The following UTP4 variants were observed in gnomAD, a reference collection of about 807,000 sequenced individuals.
The protein encoded by UTP4 is U3 small nucleolar RNA-associated protein 4 homolog.
Under a neutral mutation model 82.4 loss-of-function variants are expected in UTP4, and 45 were observed. The observed-to-expected ratio is 0.55, with a 90% CI of 0.43 to 0.70. UTP4 has a LOEUF of 0.70. Ranked by LOEUF, UTP4 falls within the 30% of genes least tolerant of loss-of-function variation. UTP4 has a pLI of 0.00. For missense variants in UTP4, 819 were observed against 858.3 expected, an observed-to-expected ratio of 0.95 and a Z score of 0.57; for synonymous variants, 348 against 300.3, an observed-to-expected ratio of 1.16 and a Z score of -1.64.
At chr16:69,139,794 CACTT>C in intron 4 of UTP4, 27 bp from the exon 5 acceptor site, 1 of 1,453,764 alleles carries the variant, frequency 6.9e-7, no homozygotes, top group Non-Finnish European at 9.7e-7. Flanking sequence ...ATGTGTATGT[CACTT>C]TCTTTTTTTG....
rs575519904 is a variant in UTP4 at position 69,155,408 on chromosome 16, C to T, written c.1165-463C>T. ...CTTGAACTCCTGGGCTCAAGCAATC[C>T]TCCACCTCAGCCTCCCAAAGTGCTG... is the stretch of plus-strand genomic sequence containing the variant. On this transcript the variant is annotated intron_variant, in intron 10 of 16. Coordinates refer to ENST00000314423, the MANE Select transcript of UTP4 (RefSeq NM_032830.3). Among the ~76,000 whole-genome samples the T allele has an allele frequency of 1.7e-4, 26 of 151,950 alleles. No homozygotes were observed. The South Asian group carries it at 5.0e-3, about 29-fold the overall frequency.
chr16:69,139,008 G>A (rs541811122), intron 4 of UTP4: 10 of 126,882 alleles, frequency 7.9e-5, no homozygotes, highest in Non-Finnish European at 1.4e-4. Context: ...TTGCTTTGTC[G>A]CCCAGGCTGA....
At chr16:69,136,585 C>A in intron 2 of UTP4, 111 bp from the exon 3 acceptor site, 1 of 1,001,938 alleles carries the variant, frequency 1.0e-6, no homozygotes, top group Middle Eastern at 3.0e-4. Context: ...AGCACAAAAC[C>A]CCACACTAGT....
chr16:69,163,391 C>T (rs1038700810), intron 14 of UTP4, among the ~76,000 whole-genome samples: 1 of 152,024 alleles, frequency 6.6e-6, no homozygotes, highest in Non-Finnish European at 1.5e-5. Flanking sequence ...AATGGAGAAG[C>T]ACTAAGATTC....
At chr16:69,149,257 G>C (rs1963198288) in intron 6 of UTP4, among the ~76,000 whole-genome samples, 1 of 152,268 alleles carries the variant, frequency 6.6e-6, no homozygotes, top group Admixed American at 6.5e-5. Flanking sequence ...GCGCACGCCT[G>C]TAATCCCAGC....
chr16:69,164,100 G>A (rs200519989), intron 14 of UTP4, among the ~76,000 whole-genome samples: 1 of 151,954 alleles, frequency 6.6e-6, no homozygotes, highest in Admixed American at 6.6e-5. Flanking sequence ...TAGCCAGGAT[G>A]GTCTCGATCT....
Position 69,153,605 on chromosome 16 carries a change from A to G in UTP4, c.1024A>G (p.Lys342Glu). The G allele has an allele frequency of 6.2e-7, 1 of 1,613,184 alleles. No individual in the cohort carries two copies. Among genetic ancestry groups the G allele is most frequent in the Non-Finnish European group, 8.5e-7 (1 of 1,179,520 alleles). Reference sequence around the variant, plus strand: ...ATAGCGATGTCTCATCTCCTGTTCTAAAAAGAGGCAGCTTCTCCTCTTCCA... The same window carrying G: ...ATAGCGATGTCTCATCTCCTGTTCTGAAAAGAGGCAGCTTCTCCTCTTCCA... The part of the protein sequence containing the change: ...FPHRCLISCS[K>E]KRQLLLFQFA... The change falls in exon 9 of 17, where the codon AAA becomes GAA. Residue 342 changes from lysine (K) to glutamate (E), a missense_variant. By Grantham distance (56) the Lys-to-Glu change is moderately conservative. Coordinates refer to ENST00000314423, the MANE Select transcript of UTP4 (RefSeq NM_032830.3).
intron 12 of UTP4, 80 bp from the exon 13 acceptor site, chr16:69,160,276 G>C (rs1427032082): frequency 3.8e-6 from 4 of 1,043,994 alleles, no homozygotes; most frequent in Non-Finnish European, 6.1e-6. Context: ...TGGTCTCCTT[G>C]GCTTTTGCCA....
At chr16:69,147,610 A>G (rs901763528) in intron 6 of UTP4, among the ~76,000 whole-genome samples, 11 of 152,172 alleles carry the variant, frequency 7.2e-5, no homozygotes, top group African/African-American at 2.7e-4. Flanking sequence ...GAAGTGTTTC[A>G]GATTTTGGAT....
Position 69,150,666 on chromosome 16 carries a change from G to A in UTP4, c.868G>A (p.Val290Met). 2 of 1,614,222 alleles carry A rather than the reference G, an allele frequency of 1.2e-6. No homozygotes were observed. The highest frequency in any genetic ancestry group is 1.7e-6 in the Non-Finnish European group (2 of 1,180,042). Residue 290 changes from valine (V) to methionine (M), a missense_variant, in exon 7 of 17, where the codon GTG (valine) becomes ATG (methionine). Transcript: ENST00000314423. ...TKPFQHHTHD[V>M]RTVAHSPTAL... The stretch of plus-strand genomic sequence containing the variant: ...ACCGTTCCAGCATCACACTCATGAC[G>A]TGCGCACTGTGGCCCACAGCCCAAC...
At chr16:69,135,376 A>G (rs920260334) in intron 2 of UTP4, among the ~76,000 whole-genome samples, 4 of 151,872 alleles carry the variant, frequency 2.6e-5, no homozygotes, top group Non-Finnish European at 5.9e-5. Flanking sequence ...ACGATTGCTT[A>G]GCTCTGTCAG....
At chr16:69,165,804 A>G (rs1388979063) in intron 15 of UTP4, 3 of 556,256 alleles carry the variant, frequency 5.4e-6, no homozygotes, top group Non-Finnish European at 6.5e-6. Context: ...GAGTAAGCAC[A>G]TAAATCTTAC....
intron 12 of UTP4, among the ~76,000 whole-genome samples, chr16:69,157,866 T>A (rs1339372622): frequency 6.6e-6 from 1 of 151,604 alleles, no homozygotes; most frequent in East Asian, 1.9e-4. Context: ...CAGCTGAGAT[T>A]ATAGGCATGA....
intron 6 of UTP4, among the ~76,000 whole-genome samples, chr16:69,145,093 GATC>G (rs1266447070): frequency 2.6e-5 from 4 of 151,832 alleles, no homozygotes; most frequent in Non-Finnish European, 4.4e-5. Flanking sequence ...AGTGAGCCGA[GATC>G]ATGCCATTGC....
chr16:69,164,945 C>T (rs1018559423), intron 14 of UTP4, among the ~76,000 whole-genome samples: 4 of 152,112 alleles, frequency 2.6e-5, no homozygotes, highest in African/African-American at 9.7e-5. Context: ...CCTGTAATCC[C>T]AGCACTTTGG....
intron 9 of UTP4, 23 bp from the exon 10 acceptor site, chr16:69,154,370 C>T (rs1963354162): frequency 6.3e-7 from 1 of 1,583,032 alleles, no homozygotes; most frequent in Non-Finnish European, 8.7e-7. Context: ...TAAGAAAAAT[C>T]TCAGGGAAGT....
intron 8 of UTP4, among the ~76,000 whole-genome samples, chr16:69,151,681 T>C (rs1963273722): frequency 6.6e-6 from 1 of 151,926 alleles, no homozygotes; most frequent in Non-Finnish European, 1.5e-5. Flanking sequence ...TTTCTGTAGC[T>C]ACCTTCTTCA....
At chr16:69,158,174 T>TTTA (rs2152282507) in intron 12 of UTP4, among the ~76,000 whole-genome samples, 1 of 121,778 alleles carries the variant, frequency 8.2e-6, no homozygotes, top group African/African-American at 3.2e-5. Flanking sequence ...TTTTTTTTTT[T>TTTA]TTTTTTTTTT....
chr16:69,142,099 C>T (rs1282111461), intron 5 of UTP4: 1 of 151,404 alleles, frequency 6.6e-6, no homozygotes, highest in Non-Finnish European at 1.5e-5. Context: ...GTCCGTTTGG[C>T]CTCTGCCTTT....
Sources: gnomAD v4.1 joint callset for allele counts (sites outside exome capture counted in the v4.1 genomes callset) on GRCh38, gnomAD v4.1.1 for gene constraint, MANE v1.5 for transcripts, NCBI Gene and HGNC (gene_info 2026-07-23, HGNC 2026-07-21) for gene names.